Variants in STAMBPL1 observed in about 807,000 individuals in gnomAD.
STAMBPL1 encodes STAM binding protein like 1.
A neutral mutation model predicts 52.9 loss-of-function variants in STAMBPL1; 44 were observed. The ratio of observed to expected loss-of-function variants is 0.83; its 90% confidence interval spans 0.65 to 1.07. The LOEUF (loss-of-function observed/expected upper bound fraction) is 1.07. STAMBPL1 is among the 50% of genes least tolerant of loss of function. The probability of loss-of-function intolerance (pLI) is 0.00; values close to 1 mark genes in which losing one functional copy is unlikely to be tolerated. For missense variants in STAMBPL1, 511 were observed against 520.8 expected, an observed-to-expected ratio of 0.98 and a Z score of 0.18; for synonymous variants, 164 against 177.3, an observed-to-expected ratio of 0.92 and a Z score of 0.60.
chr10:88,896,079 A>G (rs193028730), intron 1 of STAMBPL1, among the ~76,000 whole-genome samples: 5 of 152,220 alleles, frequency 3.3e-5, no homozygotes, highest in Non-Finnish European at 5.9e-5. Flanking sequence ...AAATGATAAT[A>G]TATAGTACTT....
intron 1 of STAMBPL1, among the ~76,000 whole-genome samples, chr10:88,895,742 C>T (rs1287711994): frequency 1.3e-5 from 2 of 152,204 alleles, no homozygotes; most frequent in African/African-American, 4.8e-5. Flanking sequence ...AAACTGGCCC[C>T]TCCTAAAGTA....
intron 3 of STAMBPL1, among the ~76,000 whole-genome samples, chr10:88,907,466 GTTACCAA>G (rs1470648239): frequency 1.3e-5 from 2 of 152,162 alleles, no homozygotes; most frequent in African/African-American, 2.4e-5. Flanking sequence ...TTCTGAATAA[GTTACCAA>G]TTAATAATAT....
chr10:88,902,746 A>G (rs529289646), intron 2 of STAMBPL1, among the ~76,000 whole-genome samples: 5 of 151,922 alleles, frequency 3.3e-5, no homozygotes, highest in African/African-American at 1.2e-4. Context: ...AATTTTTTGT[A>G]TTTTTAGTAG....
chr10:88,920,805 G>A (rs1845490682), intron 8 of STAMBPL1, among the ~76,000 whole-genome samples: 1 of 152,148 alleles, frequency 6.6e-6, no homozygotes, highest in Admixed American at 6.5e-5. Context: ...GGTCTATTTA[G>A]TGAAAACTTT....
intron 5 of STAMBPL1, 180 bp from the exon 6 acceptor site, chr10:88,912,921 C>A: frequency 1.6e-6 from 1 of 633,044 alleles, no homozygotes; most frequent in Non-Finnish European, 2.8e-6. Flanking sequence ...CTATGTTAAT[C>A]AGATCAAGGG....
chr10:88,881,280 C>T (rs1386965415), intron 1 of STAMBPL1, among the ~76,000 whole-genome samples: 2 of 152,022 alleles, frequency 1.3e-5, no homozygotes, highest in Non-Finnish European at 2.9e-5. Context: ...ACAACCCACG[C>T]TGCTGATACC....
intron 8 of STAMBPL1, among the ~76,000 whole-genome samples, chr10:88,918,304 CAT>C (rs1215193466): frequency 2.6e-4 from 38 of 145,196 alleles, no homozygotes; most frequent in African/African-American, 9.0e-4. Context: ...CACACACACA[CAT>C]ACACACACAC....
chr10:88,881,638 T>G (rs1844408754), intron 1 of STAMBPL1, among the ~76,000 whole-genome samples: 1 of 152,208 alleles, frequency 6.6e-6, no homozygotes, highest in South Asian at 2.1e-4. Flanking sequence ...ATAACGTAGA[T>G]TTGTTCCAGC....
intron 1 of STAMBPL1, among the ~76,000 whole-genome samples, chr10:88,898,704 T>TA (rs1564624522): frequency 6.6e-6 from 1 of 152,204 alleles, no homozygotes; most frequent in Non-Finnish European, 1.5e-5. Context: ...ATTTCATACA[T>TA]ATAGAAGCTC....
At chr10:88,915,760 A>G (rs987375927) in intron 7 of STAMBPL1, among the ~76,000 whole-genome samples, 4 of 152,174 alleles carry the variant, frequency 2.6e-5, no homozygotes, top group Non-Finnish European at 5.9e-5. Flanking sequence ...GTAGGGCATC[A>G]TGGGAGTTTG....
Position 88,911,287 on chromosome 10 carries a change from T to C in STAMBPL1, c.420+276T>C, listed in dbSNP as rs551287791. On this transcript the variant is annotated intron_variant, in intron 5 of 10. Transcript: ENST00000371926. ...TTAAGTAGAACTTTTTGATTAACTCTTGAGCCAGATAACCTTGAGCCAGAT... is the reference window on the plus strand; with the variant it reads ...TTAAGTAGAACTTTTTGATTAACTCCTGAGCCAGATAACCTTGAGCCAGAT... Among the ~76,000 whole-genome samples, 7 of 152,338 alleles carry C rather than the reference T, an allele frequency of 4.6e-5. No homozygotes were observed. The East Asian group carries it at 1.4e-3, about 29-fold the overall frequency.
chr10:88,905,371 T>C, intron 2 of STAMBPL1, 72 bp from the exon 3 acceptor site: 1 of 1,161,768 alleles, frequency 8.6e-7, no homozygotes, highest in Non-Finnish European at 1.3e-6. Context: ...AGAACATATG[T>C]CCATAATATT....
intron 8 of STAMBPL1, among the ~76,000 whole-genome samples, 183 bp from the exon 9 acceptor site, chr10:88,921,100 G>C (rs1845498712): frequency 6.6e-6 from 1 of 152,108 alleles, no homozygotes; most frequent in Admixed American, 6.5e-5. Flanking sequence ...CAGAATTGTA[G>C]TTATTCCAAA....
At chr10:88,904,474 C>T (rs940087044) in intron 2 of STAMBPL1, among the ~76,000 whole-genome samples, 1 of 152,172 alleles carries the variant, frequency 6.6e-6, no homozygotes, top group Non-Finnish European at 1.5e-5. Flanking sequence ...GGCCAAACCA[C>T]CCACTTGCTT....
chr10:88,903,618 C>A (rs1283404732), intron 2 of STAMBPL1, among the ~76,000 whole-genome samples: 3 of 152,114 alleles, frequency 2.0e-5, no homozygotes, highest in African/African-American at 7.2e-5. Context: ...AGTCATTTTT[C>A]TGATGTCATT....
chr10:88,907,833 A>G (rs192503524), intron 3 of STAMBPL1, among the ~76,000 whole-genome samples: 114 of 152,344 alleles, frequency 7.5e-4, no homozygotes, highest in Non-Finnish European at 1.3e-3. Context: ...TGTCTAACCT[A>G]TAACCTTGTG....
intron 8 of STAMBPL1, among the ~76,000 whole-genome samples, chr10:88,919,820 C>T (rs949971864): frequency 2.0e-5 from 3 of 148,828 alleles, no homozygotes; most frequent in East Asian, 2.0e-4. Context: ...CTATTAAAGC[C>T]GAAAAAAAAC....
Position 88,913,241 on chromosome 10 carries a change from A to T in STAMBPL1, c.561A>T (p.Gln187His), listed in dbSNP as rs1321132144. 12 of 1,613,798 alleles carry T rather than the reference A, an allele frequency of 7.4e-6. No homozygotes were observed. In the African/African-American group the frequency reaches 1.5e-4, roughly 20 times the overall value. Reference protein sequence around the residue: ...FLFFEDQLKKQELARGQMRSQ... With the variant: ...FLFFEDQLKKHELARGQMRSQ... ...TTTTCGAAGATCAACTCAAGAAGCA[A>T]GAGTTAGCCCGAGGTCAAATGCGAA... Residue 187 changes from glutamine to histidine, a missense_variant, in exon 6 of 11, where the codon CAA becomes CAT. Around this residue, in one of 3 missense-constraint regions of STAMBPL1, gnomAD observed 358 missense variants for 343.5 expected, o/e 1.04. Coordinates refer to ENST00000371926, the MANE Select transcript of STAMBPL1 (RefSeq NM_020799.4).
intron 5 of STAMBPL1, among the ~76,000 whole-genome samples, chr10:88,912,055 C>G (rs1845238906): frequency 6.6e-6 from 1 of 152,074 alleles, no homozygotes; most frequent in South Asian, 2.1e-4. Flanking sequence ...CAGTGGTGAC[C>G]CATGTGGGAA....
Sources: gnomAD v4.1 joint callset for allele counts (sites outside exome capture counted in the v4.1 genomes callset) on GRCh38, gnomAD v4.1.1 for gene constraint, gnomAD v4.1.1 regional missense constraint, MANE v1.5 for transcripts, NCBI Gene and HGNC (gene_info 2026-07-23, HGNC 2026-07-21) for gene names.